Variants in AUTS2 observed in about 807,000 individuals in gnomAD.
AUTS2 encodes the protein activator of transcription and developmental regulator AUTS2.
In AUTS2, 17 loss-of-function variants were observed where a neutral mutation model predicts 112.4. The ratio of observed to expected loss-of-function variants is 0.15; its 90% CI spans 0.10 to 0.23. The LOEUF (loss-of-function observed/expected upper bound fraction) is 0.23. Among genes scored for constraint, AUTS2 ranks in the 10% least tolerant of loss-of-function variants. AUTS2 has a pLI of 1.00. For synonymous variants in AUTS2, 751 were observed against 702.7 expected (o/e 1.07, Z -1.09); for missense variants, 1,510 against 1,701.6 (o/e 0.89, Z 1.98).
chr7:70,025,215 A>G (rs548626252), intron 2 of AUTS2, among the ~76,000 whole-genome samples: 1 of 152,312 alleles, frequency 6.6e-6, no homozygotes, highest in South Asian at 2.1e-4. Flanking sequence ...TGACAATTCC[A>G]TGGATTGGAC....
chr7:70,619,674 T>G (rs951569463), intron 5 of AUTS2, among the ~76,000 whole-genome samples: 5 of 152,094 alleles, frequency 3.3e-5, no homozygotes, highest in Non-Finnish European at 1.5e-5. Context: ...TATGTAATAA[T>G]TAGCATTTGA....
chr7:70,491,911 G>C (rs559111326), intron 5 of AUTS2, among the ~76,000 whole-genome samples: 1 of 152,012 alleles, frequency 6.6e-6, no homozygotes, highest in Non-Finnish European at 1.5e-5. Context: ...CACCGCACCC[G>C]GCCAAATGAG....
chr7:70,589,569 C>G (rs574293689), intron 5 of AUTS2, among the ~76,000 whole-genome samples: 1 of 152,088 alleles, frequency 6.6e-6, no homozygotes, highest in African/African-American at 2.4e-5. Flanking sequence ...CAAAAATTAG[C>G]GGGATGCGGT....
intron 5 of AUTS2, among the ~76,000 whole-genome samples, chr7:70,495,864 C>T (rs1246451250): frequency 2.8e-5 from 4 of 145,374 alleles, no homozygotes; most frequent in Non-Finnish European, 4.5e-5. Context: ...AACACACACA[C>T]GCCCCACACA....
intron 1 of AUTS2, among the ~76,000 whole-genome samples, chr7:69,877,722 G>C (rs1793864976): frequency 6.6e-6 from 1 of 152,090 alleles, no homozygotes; most frequent in Non-Finnish European, 1.5e-5. Context: ...TGGTTTTCCT[G>C]TTACTGTGGT....
At position 70,489,722 on chromosome 7, in the gene AUTS2, A is replaced by G. The variant is rs145110683; in HGVS notation, c.690+53941A>G. Among the ~76,000 whole-genome samples, 314 of 152,354 alleles carry G rather than the reference A, an allele frequency of 2.1e-3. 1 individual carries two copies. Among genetic ancestry groups the G allele is most frequent in the Middle Eastern group, 6.8e-3 (2 of 294 alleles). On this transcript the variant is annotated intron_variant, in intron 5 of 18. Coordinates refer to ENST00000342771, the MANE Select transcript of AUTS2 (RefSeq NM_015570.4). Reference sequence around the variant, plus strand: ...CTAATCACTGGAGACACAGCATTAAATAAGTGGGAGAACATGGCCCATATC... The same window carrying G: ...CTAATCACTGGAGACACAGCATTAAGTAAGTGGGAGAACATGGCCCATATC...
chr7:70,593,643 T>G (rs1231226335), intron 5 of AUTS2, among the ~76,000 whole-genome samples: 3 of 152,210 alleles, frequency 2.0e-5, no homozygotes, highest in African/African-American at 7.2e-5. Context: ...GCCCTATATA[T>G]TTATAGTGCT....
chr7:69,932,858 T>G (rs1382833755), intron 2 of AUTS2, among the ~76,000 whole-genome samples: 2 of 152,248 alleles, frequency 1.3e-5, no homozygotes, highest in Admixed American at 1.3e-4. Context: ...AATCTAGAGC[T>G]ACTATTTTAG....
chr7:69,766,662 C>T (rs1409776706), intron 1 of AUTS2, among the ~76,000 whole-genome samples: 1 of 152,180 alleles, frequency 6.6e-6, no homozygotes, highest in African/African-American at 2.4e-5. Flanking sequence ...TACCTCTGAG[C>T]TTTGACACAC....
intron 1 of AUTS2, among the ~76,000 whole-genome samples, chr7:69,730,587 C>T (rs1786749659): frequency 6.6e-6 from 1 of 152,180 alleles, no homozygotes; most frequent in Admixed American, 6.5e-5. Flanking sequence ...GTAATGTCTA[C>T]AAGTCAGTGT....
intron 6 of AUTS2, among the ~76,000 whole-genome samples, chr7:70,716,362 A>G (rs551898403): frequency 2.6e-5 from 4 of 152,116 alleles, no homozygotes; most frequent in Admixed American, 1.3e-4. Context: ...GGCCGGGCAC[A>G]GTGGCTCATG....
At chr7:70,240,087 G>T (rs1258302717) in intron 4 of AUTS2, among the ~76,000 whole-genome samples, 1 of 151,710 alleles carries the variant, frequency 6.6e-6, no homozygotes, top group Non-Finnish European at 1.5e-5. Context: ...GCCTGAGCTG[G>T]CTAGCGTGAC....
chr7:70,442,920 C>T lies in AUTS2; in HGVS notation c.690+7139C>T, dbSNP rs1585150610. 2.6e-5 allele frequency among the ~76,000 whole-genome samples: 4 copies of T among 152,274 alleles called. No individual in the cohort carries two copies. The South Asian group carries it at 8.3e-4, about 32-fold the overall frequency. On this transcript the variant is annotated intron_variant, in intron 5 of 18. Coordinates refer to ENST00000342771, the MANE Select transcript of AUTS2 (RefSeq NM_015570.4). ...CCAAAATCATCATATTTCCAATTGG[C>T]TTAATTACATTGCATACATCCCAAA...
chr7:70,700,840 A>G (rs1292496595), intron 6 of AUTS2, among the ~76,000 whole-genome samples: 2 of 152,226 alleles, frequency 1.3e-5, no homozygotes, highest in Non-Finnish European at 2.9e-5. Context: ...AGGAACTGTC[A>G]GCTTCATGCA....
At chr7:69,662,427 T>C (rs1795844730) in intron 1 of AUTS2, among the ~76,000 whole-genome samples, 1 of 152,070 alleles carries the variant, frequency 6.6e-6, no homozygotes, top group East Asian at 1.9e-4. Context: ...TATTGTAGGA[T>C]GTTTAGCAGC....
intron 5 of AUTS2, among the ~76,000 whole-genome samples, chr7:70,572,821 G>A (rs947415258): frequency 3.3e-5 from 5 of 152,100 alleles, no homozygotes; most frequent in African/African-American, 4.8e-5. Flanking sequence ...GGTCTGTTGC[G>A]GGCCTTTGCT....
intron 2 of AUTS2, among the ~76,000 whole-genome samples, chr7:70,090,366 A>T (rs561695768): frequency 2.7e-5 from 4 of 148,250 alleles, no homozygotes; most frequent in African/African-American, 4.9e-5. Flanking sequence ...CATAATATAA[A>T]TTTTTTTTTT....
chr7:70,017,163 T>C (rs1800066552), intron 2 of AUTS2, among the ~76,000 whole-genome samples: 1 of 152,242 alleles, frequency 6.6e-6, no homozygotes, highest in South Asian at 2.1e-4. Context: ...CTTGTAACAT[T>C]ACCAAATCAG....
Position 70,483,232 on chromosome 7 carries a change from C to A in AUTS2, c.690+47451C>A, listed in dbSNP as rs1417225258. Among the ~76,000 whole-genome samples, 3 of 123,336 alleles carry A rather than the reference C, an allele frequency of 2.4e-5. No individual in the cohort carries two copies. In the East Asian group the frequency reaches 6.0e-4, roughly 25 times the overall value. 80.9% of individuals were successfully genotyped at this position (123,336 alleles called of 152,430 possible). On this transcript the variant is annotated intron_variant, in intron 5 of 18. Coordinates refer to ENST00000342771, the MANE Select transcript of AUTS2 (RefSeq NM_015570.4). ...CTCCAGTTTATCTCCAAGGGTCAAG[C>A]AACCCCACCTTGAGAGCTCCCTACC...
Sources: allele counts gnomAD v4.1 joint callset (sites outside exome capture counted in the v4.1 genomes callset), GRCh38; gene constraint gnomAD v4.1.1; transcripts MANE v1.5; gene names NCBI Gene and HGNC (gene_info 2026-07-23, HGNC 2026-07-21).